Variants in ATG12 observed in about 807,000 individuals in gnomAD.
The protein encoded by ATG12 is ubiquitin-like protein ATG12.
In ATG12, 19 loss-of-function variants were observed where a neutral mutation model predicts 17.6. The ratio of observed to expected loss-of-function variants is 1.08; its 90% confidence interval spans 0.75 to 1.58. The LOEUF (loss-of-function observed/expected upper bound fraction) is 1.58. Among genes scored for constraint, ATG12 ranks in the 40% most tolerant of loss-of-function variants. ATG12 has a pLI of 0.00. For missense variants in ATG12, 214 were observed against 162.0 expected, an observed-to-expected ratio of 1.32 and a Z score of -1.74; for synonymous variants, 75 against 62.4, an observed-to-expected ratio of 1.20 and a Z score of -0.95.
intron 1 of ATG12, chr5:115,840,386 C>T (rs1371439106): frequency 5.1e-6 from 1 of 194,844 alleles, no homozygotes; most frequent in African/African-American, 2.4e-5. Flanking sequence ...CCACCTCCGC[C>T]TCGCGGGTTC....
At chr5:115,838,665 G>C (rs1008214794) in intron 1 of ATG12, 3 of 152,158 alleles carry the variant, frequency 2.0e-5, no homozygotes, top group Non-Finnish European at 4.4e-5. Flanking sequence ...ATTAACAATA[G>C]AACAACCAAA....
rs764382567 is a variant in ATG12 at position 115,841,523 on chromosome 5, C to T, written c.30G>A (p.Gln10=). 3 of 1,613,388 alleles carry T rather than the reference C, an allele frequency of 1.9e-6. No individual in the cohort carries two copies. The highest frequency in any genetic ancestry group is 1.7e-5 in the Admixed American group (1 of 59,792). ...CTCCAGCAGCAATTGAAGTAGGAAGCTGCAACACAGACTGCGGCTCCTCCG... is the reference window on the plus strand; with the variant it reads ...CTCCAGCAGCAATTGAAGTAGGAAGTTGCAACACAGACTGCGGCTCCTCCG... The part of the protein sequence containing the change: MAEEPQSVL[Q]LPTSIAAGGE... The change falls in exon 1 of 4, where the codon CAG becomes CAA. Residue 10 remains glutamine, a synonymous_variant. Transcript: ENST00000509910.
At chr5:115,831,902 T>C in intron 3 of ATG12, 39 bp from the exon 4 acceptor site, 3 of 1,363,398 alleles carry the variant, frequency 2.2e-6, no homozygotes, top group Non-Finnish European at 3.1e-6. Context: ...CTCAATCTTT[T>C]ATTATTCTTA....
intron 2 of ATG12, chr5:115,835,101 A>G (rs964012096): frequency 6.6e-6 from 1 of 151,990 alleles, no homozygotes. Context: ...TTTTATTTCT[A>G]ATTCTTTTCC....
intron 2 of ATG12, chr5:115,835,149 T>G (rs1761039674): frequency 6.6e-6 from 1 of 152,208 alleles, no homozygotes; most frequent in Admixed American, 6.5e-5. Flanking sequence ...GCTGATCGTT[T>G]TTCTTTCATG....
intron 1 of ATG12, chr5:115,839,192 C>T (rs968908540): frequency 6.6e-6 from 1 of 151,886 alleles, no homozygotes; most frequent in African/African-American, 2.4e-5. Context: ...GTATTGCTGC[C>T]CCCTAAAGTT....
At chr5:115,840,742 ATC>A (rs1761376800) in intron 1 of ATG12, 1 of 1,180,386 alleles carries the variant, frequency 8.5e-7, no homozygotes, top group Non-Finnish European at 1.1e-6. Context: ...AATTTTAGCA[ATC>A]TCTTTTACAA....
At chr5:115,834,753 C>T (rs748575642) in intron 2 of ATG12, among the ~76,000 whole-genome samples, 1 of 152,170 alleles carries the variant, frequency 6.6e-6, no homozygotes, top group Non-Finnish European at 1.5e-5. Context: ...CAAAGTTTGA[C>T]GACAGCCTAA....
intron 2 of ATG12, among the ~76,000 whole-genome samples, chr5:115,835,568 T>A (rs1009778398): frequency 6.6e-6 from 1 of 152,114 alleles, no homozygotes; most frequent in African/African-American, 2.4e-5. Flanking sequence ...AAATTTCTCC[T>A]CAGTATGGGG....
chr5:115,841,520 A>T lies in ATG12; in HGVS notation c.33T>A (p.Leu11=), dbSNP rs759630659. ...CCCCTCCAGCAGCAATTGAAGTAGG[A>T]AGCTGCAACACAGACTGCGGCTCCT... is the stretch of plus-strand genomic sequence containing the variant. MAEEPQSVLQ[L]PTSIAAGGEG... Residue 11 remains leucine (L), a synonymous_variant, in exon 1 of 4, where the codon CTT becomes CTA. Transcript: ENST00000509910. 3 of 1,612,700 alleles carry T rather than the reference A, an allele frequency of 1.9e-6. No homozygotes were observed. In the Admixed American group the frequency reaches 5.0e-5, roughly 27 times the overall value.
intron 1 of ATG12, among the ~76,000 whole-genome samples, chr5:115,839,806 A>G (rs6594908): frequency 0.12 from 18,926 of 152,196 alleles, 3,748 homozygotes; most frequent in African/African-American, 0.42. Context: ...CTCAACAAAT[A>G]ATGACAAGCA....
intron 2 of ATG12, chr5:115,833,864 TATAA>T (rs956514678): frequency 1.3e-5 from 2 of 152,176 alleles, no homozygotes; most frequent in African/African-American, 4.8e-5. Flanking sequence ...TCTTGTACAT[TATAA>T]ATGAGGGGAA....
chr5:115,831,411 A>T lies in ATG12; in HGVS notation c.*393T>A, dbSNP rs897412171. 4.9e-6 allele frequency: 1 copy of T among 206,168 alleles called. No homozygotes were observed. The highest frequency in any genetic ancestry group is 9.7e-6 in the Non-Finnish European group (1 of 103,212). 12.8% of individuals were successfully genotyped at this position (206,168 alleles called of 1,614,324 possible). ...GACTAAAAAGGTAAACATAGAGATAAATGTAAACATTAAAAAAAAAGGAAC... is the reference window on the plus strand; with the variant it reads ...GACTAAAAAGGTAAACATAGAGATATATGTAAACATTAAAAAAAAAGGAAC... On this transcript the variant is annotated 3_prime_UTR_variant, in exon 4 of 4. Transcript: ENST00000509910.
rs1409456564 is a variant in ATG12, at chr5:115,831,556, T to C, written c.*248A>G. 1 of 550,548 alleles carries C rather than the reference T, an allele frequency of 1.8e-6. No individual in the cohort carries two copies. The highest frequency in any genetic ancestry group is 3.2e-6 in the Non-Finnish European group (1 of 312,018). 34.1% of individuals were successfully genotyped at this position (550,548 alleles called of 1,614,324 possible). ...CTTGGAGGCAGATCTGCAGCAATAATAGTAACAAGTAGGAGCAATGGGTGT... is the reference window on the plus strand; with the variant it reads ...CTTGGAGGCAGATCTGCAGCAATAACAGTAACAAGTAGGAGCAATGGGTGT... On this transcript the variant is annotated 3_prime_UTR_variant, in exon 4 of 4. Coordinates refer to ENST00000509910, the MANE Select transcript of ATG12 (RefSeq NM_004707.4).
At chr5:115,841,137 T>C (rs934683217) in intron 1 of ATG12, 64 of 339,188 alleles carry the variant, frequency 1.9e-4, no homozygotes, top group African/African-American at 1.6e-3. Context: ...TCTGGCCAAC[T>C]CAAAAAAATA....
At chr5:115,834,586 T>C (rs546109030) in intron 2 of ATG12, among the ~76,000 whole-genome samples, 4 of 152,332 alleles carry the variant, frequency 2.6e-5, no homozygotes, top group African/African-American at 9.6e-5. Flanking sequence ...TTTAAATTGA[T>C]GTCTCTAGTT....
rs570928062 is a variant in ATG12, at chr5:115,828,864, T to C, written c.*2940A>G. ...AATAAGTGATTTAATAGTGGTAGTTTGCTCTAAGTGTTTTTATGAGAGAAA... is the reference window on the plus strand; with the variant it reads ...AATAAGTGATTTAATAGTGGTAGTTCGCTCTAAGTGTTTTTATGAGAGAAA... On this transcript the variant is annotated 3_prime_UTR_variant, in exon 4 of 4. Coordinates refer to ENST00000509910, the MANE Select transcript of ATG12 (RefSeq NM_004707.4). 6.6e-6 allele frequency: 1 copy of C among 152,354 alleles called. No homozygotes were observed. The highest frequency in any genetic ancestry group is 2.1e-4 in the South Asian group (1 of 4,830). The allele number at this position is 152,354 out of a possible 1,614,324, so 9.4% of individuals were successfully genotyped here.
chr5:115,838,765 C>T (rs1414652186), intron 1 of ATG12: 1 of 152,206 alleles, frequency 6.6e-6, no homozygotes, highest in African/African-American at 2.4e-5. Flanking sequence ...ATCTGTCTCT[C>T]AGACATAAAG....
intron 1 of ATG12, chr5:115,841,081 T>TCCCCCCCCCCCCCCCCCCCCCCCC: frequency 5.8e-6 from 1 of 171,314 alleles, no homozygotes. Context: ...GAGACCCCCC[T>TCCCCCCCCCCCCCCCCCCCCCCCC]CCCCCCGCCC....
Sources: gnomAD v4.1 joint callset for allele counts (sites outside exome capture counted in the v4.1 genomes callset) on GRCh38, gnomAD v4.1.1 for gene constraint, MANE v1.5 for transcripts, NCBI Gene and HGNC (gene_info 2026-07-23, HGNC 2026-07-21) for gene names.